The following TRAPPC8 variants were observed in gnomAD, a reference collection of about 807,000 sequenced individuals.
TRAPPC8 encodes trafficking protein particle complex subunit 8.
A neutral mutation model predicts 174.3 loss-of-function variants in TRAPPC8; 54 were observed. That is an observed-to-expected ratio of 0.31 (90% CI 0.25 to 0.39). The LOEUF (loss-of-function observed/expected upper bound fraction) is 0.39, where lower values mean the gene tolerates loss of function less well. TRAPPC8 is among the 10% of genes least tolerant of loss of function. TRAPPC8 has a pLI of 1.00. For missense variants in TRAPPC8, 1,531 were observed against 1,699.1 expected, an observed-to-expected ratio of 0.90 and a Z score of 1.74; for synonymous variants, 630 against 579.9, an observed-to-expected ratio of 1.09 and a Z score of -1.24.
chr18:31,913,172 C>T (rs1027367582), intron 5 of TRAPPC8, among the ~76,000 whole-genome samples, 197 bp downstream of exon 5: 29 of 151,968 alleles, frequency 1.9e-4, no homozygotes, highest in African/African-American at 6.5e-4. Flanking sequence ...TAGTACACAC[C>T]TGAAAAGAGT....
chr18:31,861,131 C>T lies in TRAPPC8; in HGVS notation c.2746-3149G>A, dbSNP rs193199949. Among the ~76,000 whole-genome samples the T allele has an allele frequency of 3.9e-5, 6 of 152,220 alleles. No homozygotes were observed. In the South Asian group the frequency reaches 8.3e-4, roughly 21 times the overall value. ...AAGGTCTCTGCTCTAAATCCACCCC[C>T]GCAGAAATGGTGAATAAATGTACAT... On this transcript the variant is annotated intron_variant, in intron 19 of 28. Transcript: ENST00000283351.
At chr18:31,907,345 C>A in intron 9 of TRAPPC8, 115 bp downstream of exon 9, 1 of 1,033,306 alleles carries the variant, frequency 9.7e-7, no homozygotes, top group Non-Finnish European at 1.4e-6. Context: ...CTGTAAAGTA[C>A]TATATGCTCT....
intron 12 of TRAPPC8, among the ~76,000 whole-genome samples, chr18:31,876,435 AG>A (rs1421694230): frequency 6.9e-6 from 1 of 144,678 alleles, no homozygotes; most frequent in Non-Finnish European, 1.5e-5. Context: ...GCTTACAGTA[AG>A]CCAAGATTGT....
rs140813314 is a variant in TRAPPC8, at chr18:31,921,273, A to G, written c.353-3606T>C. Among the ~76,000 whole-genome samples the G allele has an allele frequency of 2.6e-3, 399 of 152,296 alleles. 2 individuals carry two copies. The highest frequency in any genetic ancestry group is 8.8e-3 in the African/African-American group (364 of 41,566). ...AATTATCTATACAAGAGAGAAGAGA[A>G]AGAAGGGAGATAAGAAAGGAGAGGG... On this transcript the variant is annotated intron_variant, in intron 2 of 28. Coordinates refer to ENST00000283351, the MANE Select transcript of TRAPPC8 (RefSeq NM_014939.5).
At chr18:31,879,605 T>C (rs2035320112) in intron 12 of TRAPPC8, among the ~76,000 whole-genome samples, 1 of 151,730 alleles carries the variant, frequency 6.6e-6, no homozygotes, top group Admixed American at 6.6e-5. Context: ...AGAAAAGAAA[T>C]AAAGATCAGA....
intron 11 of TRAPPC8, among the ~76,000 whole-genome samples, chr18:31,897,157 T>A (rs1025048337): frequency 1.3e-5 from 2 of 152,194 alleles, no homozygotes; most frequent in African/African-American, 4.8e-5. Flanking sequence ...AGTATTCATC[T>A]AAAAAATGTG....
At chr18:31,871,212 A>T in intron 14 of TRAPPC8, 92 bp from the exon 15 acceptor site, 1 of 617,038 alleles carries the variant, frequency 1.6e-6, no homozygotes, top group Non-Finnish European at 2.6e-6. Context: ...ATAAAAAAAT[A>T]TATATATATA....
chr18:31,916,184 A>C, intron 4 of TRAPPC8, 88 bp downstream of exon 4: 1 of 1,014,084 alleles, frequency 9.9e-7, no homozygotes, highest in Non-Finnish European at 1.3e-6. Flanking sequence ...CTTGTATCAA[A>C]AATAAATCCA....
chr18:31,854,503 A>G (rs1388480513), intron 21 of TRAPPC8, among the ~76,000 whole-genome samples: 1 of 152,212 alleles, frequency 6.6e-6, no homozygotes, highest in East Asian at 1.9e-4. Flanking sequence ...TCACCAAAGT[A>G]CAGCACATTA....
At chr18:31,850,330 G>A (rs1159894305) in intron 24 of TRAPPC8, among the ~76,000 whole-genome samples, 1 of 152,082 alleles carries the variant, frequency 6.6e-6, no homozygotes, top group Non-Finnish European at 1.5e-5. Context: ...GACCTTCCAA[G>A]TATCTAGGGA....
intron 9 of TRAPPC8, among the ~76,000 whole-genome samples, chr18:31,904,881 T>C (rs1045277618): frequency 1.3e-5 from 2 of 151,910 alleles, no homozygotes; most frequent in African/African-American, 4.8e-5. Context: ...AATTCAAAAA[T>C]CAGCTGGCAG....
Position 31,887,297 on chromosome 18 carries a change from T to A in TRAPPC8, c.1728+3438A>T, listed in dbSNP as rs7229137. ...AAAACATTTTTGACAAAATTCAACA[T>A]CTCTTCATGTTAAAAACTCTCAATA... On this transcript the variant is annotated intron_variant, in intron 12 of 28. Coordinates refer to ENST00000283351, the MANE Select transcript of TRAPPC8 (RefSeq NM_014939.5). 8.9e-3 allele frequency among the ~76,000 whole-genome samples: 1,352 copies of A among 152,224 alleles called. 20 individuals carry two copies. Among genetic ancestry groups the A allele is most frequent in the African/African-American group, 0.03 (1,244 of 41,530 alleles).
At chr18:31,852,224 C>T (rs2033742617) in intron 24 of TRAPPC8, among the ~76,000 whole-genome samples, 1 of 151,938 alleles carries the variant, frequency 6.6e-6, no homozygotes, top group Admixed American at 6.6e-5. Context: ...GCCTGTAGTC[C>T]CAGCTACTCA....
chr18:31,933,956 A>AG, intron 1 of TRAPPC8, among the ~76,000 whole-genome samples: 1 of 152,108 alleles, frequency 6.6e-6, no homozygotes, highest in African/African-American at 2.4e-5. Context: ...GGGAGGCTGA[A>AG]GCGGGCGGAA....
chr18:31,910,767 T>C (rs911511508), intron 5 of TRAPPC8, among the ~76,000 whole-genome samples: 1 of 152,246 alleles, frequency 6.6e-6, no homozygotes, highest in Non-Finnish European at 1.5e-5. Flanking sequence ...GCTTCTAGGA[T>C]GCTAAGGCAT....
chr18:31,913,983 T>C (rs188229708), intron 4 of TRAPPC8, among the ~76,000 whole-genome samples: 12 of 152,008 alleles, frequency 7.9e-5, no homozygotes, highest in South Asian at 6.2e-4. Context: ...CTAGGCAACA[T>C]AGGGAAACCC....
chr18:31,873,239 G>T (rs1338848951), intron 14 of TRAPPC8, among the ~76,000 whole-genome samples, 191 bp downstream of exon 14: 3 of 151,432 alleles, frequency 2.0e-5, no homozygotes, highest in South Asian at 2.1e-4. Context: ...GGATGGTCTC[G>T]ATCTCCTGAC....
chr18:31,865,634 T>C (rs1457199820), intron 18 of TRAPPC8, among the ~76,000 whole-genome samples: 1 of 151,812 alleles, frequency 6.6e-6, no homozygotes, highest in Admixed American at 6.6e-5. Context: ...AATGCATATA[T>C]TTGGTGCCTT....
chr18:31,886,334 T>A (rs1402951454), intron 12 of TRAPPC8, among the ~76,000 whole-genome samples: 3 of 114,624 alleles, frequency 2.6e-5, no homozygotes, highest in Admixed American at 8.9e-5. Context: ...TTTTAAGTGA[T>A]GTTTCTTGAG....
Sources: gnomAD v4.1 joint callset for allele counts (sites outside exome capture counted in the v4.1 genomes callset) on GRCh38, gnomAD v4.1.1 for gene constraint, MANE v1.5 for transcripts, NCBI Gene and HGNC (gene_info 2026-07-23, HGNC 2026-07-21) for gene names.